Variants in KCNIP1 observed in about 807,000 individuals in gnomAD.
KCNIP1 encodes potassium voltage-gated channel interacting protein 1.
Under a neutral mutation model 33.0 loss-of-function variants are expected in KCNIP1, and 18 were observed. That is an observed-to-expected ratio of 0.55 (90% CI 0.38 to 0.81). KCNIP1 has a LOEUF of 0.81. Ranked by LOEUF, KCNIP1 falls within the 30% of genes least tolerant of loss-of-function variation. The probability of loss-of-function intolerance (pLI) is 0.00; values close to 1 mark genes in which losing one functional copy is unlikely to be tolerated. For synonymous variants in KCNIP1, 93 were observed against 98.3 expected, an observed-to-expected ratio of 0.95 and a Z score of 0.32; for missense variants, 238 against 271.6, an observed-to-expected ratio of 0.88 and a Z score of 0.87.
At chr5:170,636,401 G>A (rs1365199310) in intron 1 of KCNIP1, among the ~76,000 whole-genome samples, 1 of 152,200 alleles carries the variant, frequency 6.6e-6, no homozygotes, top group Non-Finnish European at 1.5e-5. Flanking sequence ...CTGAAGGTCA[G>A]TGCTCTATCA....
intron 6 of KCNIP1, 150 bp from the exon 7 acceptor site, chr5:170,733,686 A>C (rs1325562364): frequency 1.6e-6 from 1 of 629,972 alleles, no homozygotes; most frequent in African/African-American, 1.8e-5. Flanking sequence ...CCAGTGAAAG[A>C]CAACTCTCAT....
intron 1 of KCNIP1, among the ~76,000 whole-genome samples, chr5:170,630,075 G>A (rs1048850698): frequency 6.6e-6 from 1 of 152,226 alleles, no homozygotes; most frequent in African/African-American, 2.4e-5. Flanking sequence ...CTCCAGCAAA[G>A]AGCAGGACTG....
intron 1 of KCNIP1, among the ~76,000 whole-genome samples, chr5:170,602,516 G>T (rs185821962): frequency 6.6e-6 from 1 of 152,222 alleles, no homozygotes; most frequent in African/African-American, 2.4e-5. Flanking sequence ...CCTGCCTGCC[G>T]TGCAGTTTGT....
intron 1 of KCNIP1, among the ~76,000 whole-genome samples, chr5:170,647,657 A>C (rs1760837805): frequency 6.6e-6 from 1 of 152,188 alleles, no homozygotes; most frequent in African/African-American, 2.4e-5. Context: ...AATATAAGAC[A>C]CAAAACTATA....
intron 1 of KCNIP1, among the ~76,000 whole-genome samples, chr5:170,551,331 T>C (rs1756626674): frequency 1.3e-5 from 2 of 152,214 alleles, no homozygotes; most frequent in Admixed American, 1.3e-4. Flanking sequence ...TCTGAGTCTG[T>C]GGTGAGGGAA....
chr5:170,414,036 TAA>T (rs1462928593), intron 1 of KCNIP1, among the ~76,000 whole-genome samples: 1 of 151,696 alleles, frequency 6.6e-6, no homozygotes, highest in Admixed American at 6.6e-5. Flanking sequence ...TCGCAGTGAC[TAA>T]GATTAATGGG....
intron 1 of KCNIP1, among the ~76,000 whole-genome samples, chr5:170,612,347 G>C (rs1759195209): frequency 6.6e-6 from 1 of 152,358 alleles, no homozygotes; most frequent in Non-Finnish European, 1.5e-5. Flanking sequence ...GCAGGCCCCT[G>C]CTGGGCACAG....
chr5:170,624,491 T>G (rs1406923088), intron 1 of KCNIP1, among the ~76,000 whole-genome samples: 2 of 152,076 alleles, frequency 1.3e-5, no homozygotes, highest in Non-Finnish European at 2.9e-5. Context: ...CCTCTCCATT[T>G]TACAATCATT....
chr5:170,569,620 C>T (rs1425736856), intron 1 of KCNIP1, among the ~76,000 whole-genome samples: 2 of 152,126 alleles, frequency 1.3e-5, no homozygotes, highest in Admixed American at 6.5e-5. Context: ...GGCATGCCAC[C>T]GTAGTCCTAG....
chr5:170,404,045 CT>C lies in KCNIP1; in HGVS notation c.88+50083del, dbSNP rs991269368. On this transcript the variant is annotated intron_variant, in intron 1 of 7. Transcript: ENST00000377360. Reference sequence around the variant, plus strand: ...CTTGGTCCTGCACTAGAGCACATGGCTTAAGTCTCCTCCTGCATCTCTTGTG... The same window carrying C: ...CTTGGTCCTGCACTAGAGCACATGGCTAAGTCTCCTCCTGCATCTCTTGTG... Among the ~76,000 whole-genome samples, 5 of 152,120 alleles carry C rather than the reference CT, an allele frequency of 3.3e-5. 1 individual carries two copies. The South Asian group carries it at 6.2e-4, about 19-fold the overall frequency.
chr5:170,721,409 G>A (rs953873162), intron 3 of KCNIP1, among the ~76,000 whole-genome samples: 2 of 152,190 alleles, frequency 1.3e-5, no homozygotes, highest in African/African-American at 2.4e-5. Flanking sequence ...GGAAAGGGAA[G>A]CTCAGAGAGG....
intron 1 of KCNIP1, among the ~76,000 whole-genome samples, chr5:170,451,725 G>T (rs978070758): frequency 2.1e-5 from 2 of 95,420 alleles, no homozygotes; most frequent in Non-Finnish European, 4.8e-5. Context: ...CTCCTGCATT[G>T]TGTGTGTGTG....
chr5:170,690,053 G>T (rs898998306), intron 1 of KCNIP1, among the ~76,000 whole-genome samples: 1 of 152,156 alleles, frequency 6.6e-6, no homozygotes, highest in Admixed American at 6.5e-5. Context: ...CAAAGACAGT[G>T]GTTATGTCTG....
At chr5:170,400,549 T>C (rs1279260245) in intron 1 of KCNIP1, among the ~76,000 whole-genome samples, 2 of 152,188 alleles carry the variant, frequency 1.3e-5, no homozygotes, top group African/African-American at 4.8e-5. Flanking sequence ...GCCATATCAT[T>C]CCTCTTTGTA....
intron 1 of KCNIP1, among the ~76,000 whole-genome samples, chr5:170,661,589 G>T (rs1214157860): frequency 1.3e-5 from 2 of 152,062 alleles, no homozygotes. Flanking sequence ...TTCAGCAGCT[G>T]CATTCTTGGC....
intron 1 of KCNIP1, among the ~76,000 whole-genome samples, chr5:170,699,813 T>C (rs1763029934): frequency 6.6e-6 from 1 of 152,126 alleles, no homozygotes; most frequent in African/African-American, 2.4e-5. Context: ...CTCAGGCCTA[T>C]GTCACAGGCC....
rs769198647 is a variant in KCNIP1 at position 170,408,287 on chromosome 5, G to A, written c.88+54323G>A. Among the ~76,000 whole-genome samples, 18 of 152,286 alleles carry A rather than the reference G, an allele frequency of 1.2e-4. No individual in the cohort carries two copies. In the East Asian group the frequency reaches 1.3e-3, roughly 11 times the overall value. On this transcript the variant is annotated intron_variant, in intron 1 of 7. Transcript: ENST00000377360. ...CTGTTTATGGAAGAGTTCTTGGCTC[G>A]TAAGAGCCTCAGTTAGATAGAGCAG...
chr5:170,483,006 T>C, intron 1 of KCNIP1: 1 of 437,328 alleles, frequency 2.3e-6, no homozygotes, highest in Non-Finnish European at 4.5e-6. Context: ...AAATTTTAAA[T>C]TAAAGTATGA....
chr5:170,582,973 G>A (rs2113523052), intron 1 of KCNIP1, among the ~76,000 whole-genome samples: 1 of 152,214 alleles, frequency 6.6e-6, no homozygotes, highest in South Asian at 2.1e-4. Flanking sequence ...ATTTGACAAC[G>A]GAGCTAGAAA....
Sources: allele counts gnomAD v4.1 joint callset (sites outside exome capture counted in the v4.1 genomes callset), GRCh38; gene constraint gnomAD v4.1.1; transcripts MANE v1.5; gene names NCBI Gene and HGNC (gene_info 2026-07-23, HGNC 2026-07-21).